CTNNA2: variants seen among roughly 807,000 people sequenced by gnomAD.
CTNNA2 encodes the protein catenin alpha-2.
CTNNA2 carries 42 observed loss-of-function variants against 101.0 expected under a neutral mutation model. The observed-to-expected ratio is 0.42, with a 90% CI of 0.32 to 0.54. The LOEUF (loss-of-function observed/expected upper bound fraction) is 0.54. CTNNA2 is among the 20% of genes least tolerant of loss of function. The pLI, the probability that CTNNA2 is intolerant of heterozygous loss-of-function variation, is 0.14. For missense variants in CTNNA2, 871 were observed against 1,223.1 expected (o/e 0.71, Z 4.29); for synonymous variants, 450 against 456.4 (o/e 0.99, Z 0.18).
chr2:79,830,134 T>C (rs1036420567), intron 3 of CTNNA2, among the ~76,000 whole-genome samples: 1 of 152,038 alleles, frequency 6.6e-6, no homozygotes, highest in Non-Finnish European at 1.5e-5. Flanking sequence ...ACCTCTGGGG[T>C]GCAATACGAA....
At chr2:80,181,688 G>A (rs1433717496) in intron 7 of CTNNA2, among the ~76,000 whole-genome samples, 3 of 152,106 alleles carry the variant, frequency 2.0e-5, no homozygotes, top group Non-Finnish European at 4.4e-5. Context: ...AGTGAACTAG[G>A]CAACCAACTT....
chr2:79,283,097 A>T (rs1375343386), intron 2 of CTNNA2, among the ~76,000 whole-genome samples: 78 of 78,216 alleles, frequency 1.0e-3, no homozygotes, highest in Middle Eastern at 5.8e-3. Flanking sequence ...CCACTTTTTG[A>T]TGGGGTTGTT....
intron 4 of CTNNA2, among the ~76,000 whole-genome samples, chr2:79,455,251 G>T (rs909766710): frequency 6.6e-6 from 1 of 152,146 alleles, no homozygotes; most frequent in Non-Finnish European, 1.5e-5. Context: ...AGGGATGTTG[G>T]CATAGTTTGG....
At position 79,995,434 on chromosome 2, in the gene CTNNA2, C is replaced by A. The variant is rs115803935; in HGVS notation, c.1056+85637C>A. Reference sequence around the variant, plus strand: ...CCATCTAGCATCTATATTCTAGAATCATTTTTCCCTATGATGGTCAAATCC... The same window carrying A: ...CCATCTAGCATCTATATTCTAGAATAATTTTTCCCTATGATGGTCAAATCC... On this transcript the variant is annotated intron_variant, in intron 7 of 18. Transcript: ENST00000402739. Among the ~76,000 whole-genome samples the A allele has an allele frequency of 8.8e-4, 134 of 152,186 alleles. 1 individual carries two copies. Among genetic ancestry groups the A allele is most frequent in the African/African-American group, 3.1e-3 (127 of 41,532 alleles).
intron 7 of CTNNA2, among the ~76,000 whole-genome samples, chr2:80,034,764 A>G (rs1477611231): frequency 2.6e-5 from 4 of 152,208 alleles, no homozygotes; most frequent in Non-Finnish European, 4.4e-5. Flanking sequence ...ATTTGATAAA[A>G]CATTCTGTTG....
At chr2:80,382,832 A>G (rs1676639057) in intron 7 of CTNNA2, among the ~76,000 whole-genome samples, 1 of 152,360 alleles carries the variant, frequency 6.6e-6, no homozygotes, top group South Asian at 2.1e-4. Context: ...GAAAGCTTTA[A>G]CAGTAGCTGA....
chr2:80,211,227 C>T (rs1032508523), intron 7 of CTNNA2, among the ~76,000 whole-genome samples: 6 of 152,124 alleles, frequency 3.9e-5, no homozygotes, highest in African/African-American at 1.4e-4. Flanking sequence ...TTAAATATAT[C>T]CCATTTGTCT....
chr2:79,925,180 G>A (rs957671933), intron 7 of CTNNA2, among the ~76,000 whole-genome samples: 2 of 151,978 alleles, frequency 1.3e-5, no homozygotes, highest in African/African-American at 4.8e-5. Flanking sequence ...TTTACTAAAG[G>A]TTACATTTAT....
At chr2:79,666,793 A>G (rs549259275) in intron 2 of CTNNA2, among the ~76,000 whole-genome samples, 26 of 152,340 alleles carry the variant, frequency 1.7e-4, no homozygotes, top group African/African-American at 5.3e-4. Flanking sequence ...AGTGGCTTAC[A>G]TAAGAGGGGT....
intron 9 of CTNNA2, among the ~76,000 whole-genome samples, chr2:80,491,934 A>G (rs968524369): frequency 2.6e-5 from 4 of 152,128 alleles, no homozygotes; most frequent in Non-Finnish European, 5.9e-5. Flanking sequence ...TGGTGGGGGT[A>G]TCCACCGTCC....
chr2:79,257,813 AAAG>A (rs1372028495), intron 2 of CTNNA2, among the ~76,000 whole-genome samples: 2 of 151,816 alleles, frequency 1.3e-5, no homozygotes, highest in South Asian at 2.1e-4. Context: ...TAAAAAAAAA[AAAG>A]AAGAAGAAAT....
intron 1 of CTNNA2, chr2:79,636,956 G>A (rs1680116411): frequency 6.6e-6 from 1 of 151,990 alleles, no homozygotes. Flanking sequence ...TATAAGCTGG[G>A]AAATCACATG....
At chr2:79,918,974 G>A (rs1438332938) in intron 7 of CTNNA2, among the ~76,000 whole-genome samples, 1 of 152,164 alleles carries the variant, frequency 6.6e-6, no homozygotes, top group Non-Finnish European at 1.5e-5. Flanking sequence ...TGTGATGAAG[G>A]AGCAGGAGGC....
chr2:80,068,491 A>C (rs80051682), intron 7 of CTNNA2, among the ~76,000 whole-genome samples: 5 of 152,168 alleles, frequency 3.3e-5, no homozygotes, highest in Non-Finnish European at 7.4e-5. Flanking sequence ...CATTGCATGA[A>C]TTTTTTTAAA....
intron 4 of CTNNA2, among the ~76,000 whole-genome samples, chr2:79,436,603 A>C (rs764633064): frequency 6.6e-6 from 1 of 150,810 alleles, no homozygotes. Flanking sequence ...GGTTTAAAGA[A>C]TCGGTAACAG....
intron 7 of CTNNA2, among the ~76,000 whole-genome samples, chr2:80,364,266 A>G (rs1674692032): frequency 6.6e-6 from 1 of 152,154 alleles, no homozygotes; most frequent in South Asian, 2.1e-4. Context: ...GCTTTGGAAA[A>G]TAAACTTTTG....
chr2:79,835,669 T>TTTTG (rs1679287237), intron 3 of CTNNA2, among the ~76,000 whole-genome samples: 2 of 9,400 alleles, frequency 2.1e-4, no homozygotes, highest in African/African-American at 4.3e-4. Flanking sequence ...TCTCTTTGTT[T>TTTTG]TTTTTTTTTT....
At position 80,608,180 on chromosome 2, in the gene CTNNA2, A is replaced by G. The variant is rs549055472; in HGVS notation, c.2296-4A>G. ...ATCAAGATCACTCTTTTAATGTTTT[A>G]TAGTGTCCTGATTCAGCATGTAAGC... On this transcript the variant is annotated splice_polypyrimidine_tract_variant and splice_region_variant and intron_variant, in intron 16 of 18. Coordinates refer to ENST00000402739, the MANE Select transcript of CTNNA2 (RefSeq NM_001282597.3). 13 of 1,607,552 alleles carry G rather than the reference A, an allele frequency of 8.1e-6. No homozygotes were observed. In the East Asian group the frequency reaches 1.3e-4, roughly 17 times the overall value.
intron 7 of CTNNA2, among the ~76,000 whole-genome samples, chr2:80,147,030 A>G (rs1379969360): frequency 6.6e-6 from 1 of 151,030 alleles, no homozygotes; most frequent in Non-Finnish European, 1.5e-5. Flanking sequence ...CAGTGGTGCA[A>G]TCTCAGCTCA....
Sources: gnomAD v4.1 joint callset for allele counts (sites outside exome capture counted in the v4.1 genomes callset) on GRCh38, gnomAD v4.1.1 for gene constraint, MANE v1.5 for transcripts, NCBI Gene and HGNC (gene_info 2026-07-23, HGNC 2026-07-21) for gene names.